The following MIGA2 variants were observed in gnomAD, a reference collection of about 807,000 sequenced individuals.
The protein encoded by MIGA2 is family with sequence similarity 73, member B.
MIGA2 carries 36 observed loss-of-function variants against 69.9 expected under a neutral mutation model. The ratio of observed to expected loss-of-function variants is 0.52; its 90% CI spans 0.39 to 0.68. The LOEUF is 0.68. Ranked by LOEUF, MIGA2 falls within the 30% of genes least tolerant of loss-of-function variation. The pLI, the probability that MIGA2 is intolerant of heterozygous loss-of-function variation, is 0.00. For missense variants in MIGA2, 660 were observed against 787.7 expected (o/e 0.84, Z 1.94); for synonymous variants, 333 against 349.2 (o/e 0.95, Z 0.52).
At chr9:129,056,426 T>TTA (rs1173833957) in intron 6 of MIGA2, among the ~76,000 whole-genome samples, 1 of 152,094 alleles carries the variant, frequency 6.6e-6, no homozygotes, top group Non-Finnish European at 1.5e-5. Flanking sequence ...CAGGGATAAC[T>TTA]TAAAGAACTA....
intron 11 of MIGA2, among the ~76,000 whole-genome samples, chr9:129,066,816 C>A (rs565714508): frequency 6.6e-6 from 1 of 151,042 alleles, no homozygotes; most frequent in Non-Finnish European, 1.5e-5. Flanking sequence ...AAAAAATTAG[C>A]CGGGCGTGGT....
chr9:129,049,234 G>A, intron 4 of MIGA2, 147 bp from the exon 5 acceptor site: 1 of 709,510 alleles, frequency 1.4e-6, no homozygotes, highest in Non-Finnish European at 2.4e-6. Flanking sequence ...TTCTGAGGGT[G>A]TGGACGCTGT....
At chr9:129,063,654 G>GGGGGGGA in intron 11 of MIGA2, 23 bp downstream of exon 11, 1 of 863,564 alleles carries the variant, frequency 1.2e-6, no homozygotes, top group Non-Finnish European at 1.9e-6. Context: ...GGGGTGGGGG[G>GGGGGGGA]GCAAATTATA....
chr9:129,044,513 GTTGTC>G (rs1441269060), intron 3 of MIGA2, among the ~76,000 whole-genome samples: 1 of 152,088 alleles, frequency 6.6e-6, no homozygotes, highest in East Asian at 1.9e-4. Context: ...GCATTGAAGT[GTTGTC>G]TTGATCTCTT....
At position 129,058,496 on chromosome 9, in the gene MIGA2, CTT is replaced by C. The variant is rs892590575; in HGVS notation, c.676-638_676-637del. ...CATAAGTCCACAATTTTCTTTCTTT[CTT>C]TTTTTTTTTTTTTTTTTTTGAGACG... On this transcript the variant is annotated intron_variant, in intron 6 of 15. Transcript: ENST00000684074. Among the ~76,000 whole-genome samples, 383 of 117,472 alleles carry C rather than the reference CTT, an allele frequency of 3.3e-3. 3 individuals are homozygous for C. Among genetic ancestry groups the C allele is most frequent in the African/African-American group, 0.011 (353 of 31,766 alleles). The allele number at this position is 117,472 out of a possible 152,430, so 77.1% of individuals were successfully genotyped here.
chr9:129,069,613 T>C lies in MIGA2; in HGVS notation c.1459-236T>C, dbSNP rs1482282156. ...TGCCGTGGCCACGTGCTCCAGGCAC[T>C]TCCCGCGGAGCCACTATGGCCCCAC... On this transcript the variant is annotated intron_variant, in intron 14 of 15. Transcript: ENST00000684074. This position sits in a 1 kb window ranked among gnomAD's most constrained non-coding sequence, Gnocchi z 4.9. 12 of 572,756 alleles carry C rather than the reference T, an allele frequency of 2.1e-5. No homozygotes were observed. The East Asian group carries it at 3.3e-4, about 16-fold the overall frequency. 35.5% of individuals were successfully genotyped at this position (572,756 alleles called of 1,614,324 possible).
At position 129,045,441 on chromosome 9, in the gene MIGA2, CAAAAAAAAAAAAAAA is replaced by C. The variant is rs766649271; in HGVS notation, c.307+2939_307+2953del. Among the ~76,000 whole-genome samples, 5 of 20,056 alleles carry C rather than the reference CAAAAAAAAAAAAAAA, an allele frequency of 2.5e-4. 1 individual carries two copies. Among genetic ancestry groups the C allele is most frequent in the Admixed American group, 1.8e-3 (4 of 2,282 alleles). The allele number at this position is 20,056 out of a possible 152,430, so 13.2% of individuals were successfully genotyped here. On this transcript the variant is annotated intron_variant, in intron 3 of 15. Transcript: ENST00000684074. ...TGGGCTATGGAGTAAGACTCTGTCT[CAAAAAAAAAAAAAAA>C]AAAAAAAAAAAGCAAAAGTAGACCG...
At chr9:129,047,732 A>G (rs1230355648) in intron 3 of MIGA2, among the ~76,000 whole-genome samples, 1 of 151,302 alleles carries the variant, frequency 6.6e-6, no homozygotes, top group Non-Finnish European at 1.5e-5. Context: ...TTATATATAT[A>G]TATGTATATA....
At chr9:129,043,378 TTC>T (rs1311280310) in intron 3 of MIGA2, among the ~76,000 whole-genome samples, 23 of 150,022 alleles carry the variant, frequency 1.5e-4, no homozygotes, top group African/African-American at 5.7e-4. Flanking sequence ...ACTCCTTCTG[TTC>T]TCTCTTTTTT....
intron 1 of MIGA2, among the ~76,000 whole-genome samples, chr9:129,040,167 C>T (rs1363095110): frequency 1.3e-5 from 2 of 152,162 alleles, no homozygotes; most frequent in East Asian, 3.9e-4. Context: ...GGCTTAAAGC[C>T]CTAAGTCTGA....
intron 11 of MIGA2, among the ~76,000 whole-genome samples, chr9:129,064,636 G>C (rs144075311): frequency 9.2e-5 from 14 of 152,164 alleles, no homozygotes; most frequent in East Asian, 5.8e-4. Context: ...TGCCCTTGGG[G>C]TGAAGGCCAA....
intron 6 of MIGA2, among the ~76,000 whole-genome samples, chr9:129,051,096 A>G (rs1437338999): frequency 6.7e-6 from 1 of 148,238 alleles, no homozygotes; most frequent in Non-Finnish European, 1.5e-5. Flanking sequence ...CTGGTCTCGA[A>G]CTCCTGACCT....
chr9:129,066,992 C>T (rs904020901), intron 11 of MIGA2, among the ~76,000 whole-genome samples: 5 of 143,312 alleles, frequency 3.5e-5, no homozygotes, highest in Admixed American at 1.4e-4. Flanking sequence ...AAAAATTAGC[C>T]GGGCGTGGTG....
intron 3 of MIGA2, among the ~76,000 whole-genome samples, chr9:129,046,538 A>C (rs1588376511): frequency 6.6e-6 from 1 of 151,244 alleles, no homozygotes; most frequent in African/African-American, 2.4e-5. Context: ...GCTCACTGCA[A>C]CCTCCGCCTT....
In MIGA2 at chr9:129,068,154, G is replaced by A. The variant is rs372901411; in HGVS notation, c.1270-44G>A. On this transcript the variant is annotated intron_variant, in intron 12 of 15. Coordinates refer to ENST00000684074, the MANE Select transcript of MIGA2 (RefSeq NM_001329990.2). The surrounding 1 kb of genome is among the most constrained non-coding windows in gnomAD (Gnocchi z 4.1). ...ATCTGGAAAGTGGCCCCGAGGCTCC[G>A]GCAGTGCCCCCATGCATGAGCCTCC... is the stretch of plus-strand genomic sequence containing the variant. The A allele has an allele frequency of 1.3e-4, 209 of 1,613,194 alleles. 3 individuals carry two copies. In the South Asian group the frequency reaches 1.5e-3, roughly 12 times the overall value.
chr9:129,051,765 T>G (rs1244715308), intron 6 of MIGA2, among the ~76,000 whole-genome samples: 1 of 147,718 alleles, frequency 6.8e-6, no homozygotes, highest in East Asian at 2.0e-4. Context: ...CCCGGCTAAT[T>G]TTTTGTATTT....
chr9:129,045,640 G>A (rs1845180120), intron 3 of MIGA2, among the ~76,000 whole-genome samples: 1 of 151,500 alleles, frequency 6.6e-6, no homozygotes, highest in Admixed American at 6.6e-5. Flanking sequence ...TTAGCTGAGT[G>A]TGGTGGCTCA....
chr9:129,069,030 G>T lies in MIGA2; in HGVS notation c.1405-46G>T, dbSNP rs760199510. The T allele has an allele frequency of 1.2e-6, 2 of 1,611,974 alleles. No individual in the cohort carries two copies. The highest frequency in any genetic ancestry group is 2.2e-5 in the South Asian group (2 of 91,044). On this transcript the variant is annotated intron_variant, in intron 13 of 15. Transcript: ENST00000684074. The surrounding 1 kb of genome is among the most constrained non-coding windows in gnomAD (Gnocchi z 4.9). Reference sequence around the variant, plus strand: ...GCTGGCAGAGGGCGAGGGGCTGTGGGCTAGGCCCATTTTGACACCCGGGGG... The same window carrying T: ...GCTGGCAGAGGGCGAGGGGCTGTGGTCTAGGCCCATTTTGACACCCGGGGG...
intron 15 of MIGA2, 104 bp from the exon 16 acceptor site, chr9:129,070,143 A>G: frequency 2.2e-6 from 3 of 1,387,146 alleles, no homozygotes; most frequent in Non-Finnish European, 3.0e-6. Context: ...GATGGAAAGG[A>G]CCGGCTGGGG....
Sources: allele counts gnomAD v4.1 joint callset (sites outside exome capture counted in the v4.1 genomes callset), GRCh38; gene constraint gnomAD v4.1.1; non-coding constraint Gnocchi (gnomAD v3.1); transcripts MANE v1.5; gene names NCBI Gene and HGNC (gene_info 2026-07-23, HGNC 2026-07-21).